The following MPV17L variants were observed in gnomAD, a reference collection of about 807,000 sequenced individuals.
MPV17L encodes mpv17-like protein.
MPV17L carries 24 observed loss-of-function variants against 25.8 expected under a neutral mutation model. That is an observed-to-expected ratio of 0.93 (90% CI 0.67 to 1.31). The LOEUF (loss-of-function observed/expected upper bound fraction) is 1.31, where lower values mean the gene tolerates loss of function less well. MPV17L is among the 50% of genes most tolerant of loss of function. The pLI, the probability that MPV17L is intolerant of heterozygous loss-of-function variation, is 0.00. For synonymous variants in MPV17L, 102 were observed against 115.3 expected (o/e 0.88, Z 0.74); for missense variants, 250 against 265.6 (o/e 0.94, Z 0.41).
At chr16:15,405,331 C>A (rs2050670978) in intron 2 of MPV17L, among the ~76,000 whole-genome samples, 1 of 144,046 alleles carries the variant, frequency 6.9e-6, no homozygotes, top group East Asian at 2.0e-4. Flanking sequence ...GTCAGGAATT[C>A]AAGACCAACC....
At chr16:15,401,582 G>A (rs2150905791) in intron 2 of MPV17L, among the ~76,000 whole-genome samples, 1 of 152,296 alleles carries the variant, frequency 6.6e-6, no homozygotes, top group South Asian at 2.1e-4. Context: ...ACACTTGGGA[G>A]GCTGAGGCAG....
chr16:15,400,823 T>A lies in MPV17L; in HGVS notation c.347T>A (p.Leu116Ter). ...SILQGKDDIF[L>*]DLKQKFWNTY... ...CTCCAAGGAAAGGATGACATATTTTTGGACCTGAAACAGAAATTCTGGAAT... is the reference window on the plus strand; with the variant it reads ...CTCCAAGGAAAGGATGACATATTTTAGGACCTGAAACAGAAATTCTGGAAT... The change falls in exon 2 of 4, where the codon TTG becomes TAG. Residue 116 changes from leucine to a stop codon, truncating the protein, a stop_gained. Transcript: ENST00000396385. LOFTEE classifies it high-confidence loss of function. The A allele has an allele frequency of 6.2e-7, 1 of 1,604,650 alleles. No individual in the cohort carries two copies. Among genetic ancestry groups the A allele is most frequent in the Non-Finnish European group, 8.5e-7 (1 of 1,175,760 alleles).
rs548012835 is a variant in MPV17L, at chr16:15,401,058, G to GTATA, written c.381+227_381+230dup. 3.7e-3 allele frequency among the ~76,000 whole-genome samples: 165 copies of GTATA among 44,232 alleles called. 12 individuals are homozygous for GTATA. The highest frequency in any genetic ancestry group is 8.1e-3 in the Admixed American group (16 of 1,970). The allele number at this position is 44,232 out of a possible 152,430, so 29.0% of individuals were successfully genotyped here. On this transcript the variant is annotated intron_variant, in intron 2 of 3. Transcript: ENST00000396385. ...TCAGGATTTTTTTGTATGTGTGTGT[G>GTATA]TATATATATATATATATATATATAT... is the stretch of plus-strand genomic sequence containing the variant.
chr16:15,400,318 TCTAGTTTTA>T (rs960585393), intron 1 of MPV17L, among the ~76,000 whole-genome samples: 2 of 151,972 alleles, frequency 1.3e-5, no homozygotes, highest in African/African-American at 4.8e-5. Flanking sequence ...TTAAAATTTA[TCTAGTTTTA>T]GAGTGGAGAT....
At chr16:15,401,975 T>C (rs1034024617) in intron 2 of MPV17L, among the ~76,000 whole-genome samples, 6 of 152,224 alleles carry the variant, frequency 3.9e-5, no homozygotes. Flanking sequence ...TCTGTAAATT[T>C]GGGATTCTAT....
chr16:15,406,760 T>C (rs1598426883), intron 2 of MPV17L, among the ~76,000 whole-genome samples: 1 of 148,504 alleles, frequency 6.7e-6, no homozygotes, highest in African/African-American at 2.5e-5. Flanking sequence ...ACCCTGTCTC[T>C]ACTAAAAATA....
rs759526803 is a variant in MPV17L, at chr16:15,410,047, ATATT to A, written c.*1939_*1942del. 2 of 152,182 alleles carry A rather than the reference ATATT, an allele frequency of 1.3e-5. No individual in the cohort carries two copies. The highest frequency in any genetic ancestry group is 2.9e-5 in the Non-Finnish European group (2 of 68,038). The allele number at this position is 152,182 out of a possible 1,614,324, so 9.4% of individuals were successfully genotyped here. ...TGTGAAAATCAGTGCTTTAAGATAA[ATATT>A]TATACTTTAAGGTAAACATGAGAAA... On this transcript the variant is annotated 3_prime_UTR_variant, in exon 4 of 4. Coordinates refer to ENST00000396385, the MANE Select transcript of MPV17L (RefSeq NM_001128423.2).
intron 1 of MPV17L, among the ~76,000 whole-genome samples, chr16:15,398,611 G>A (rs545550943): frequency 4.6e-5 from 6 of 130,642 alleles, no homozygotes; most frequent in African/African-American, 1.4e-4. Context: ...TTTTTGAAAC[G>A]GAGTCTTGCT....
Position 15,395,932 on chromosome 16 carries a change from C to T in MPV17L, c.35C>T (p.Ala12Val). ...TGGTGGCCGGCGTTGTCGCGCGCGG[C>T]CCGGCGCCACCCGTGGCCCACCAAC... ...AGWWPALSRA[A>V]RRHPWPTNVL... Residue 12 changes from alanine to valine, a missense_variant, in exon 1 of 4, where the codon GCC becomes GTC. Ala to Val is a moderately conservative substitution (Grantham distance 64). Coordinates refer to ENST00000396385, the MANE Select transcript of MPV17L (RefSeq NM_001128423.2). 6.9e-7 allele frequency: 1 copy of T among 1,458,668 alleles called. No individual in the cohort carries two copies. The highest frequency in any genetic ancestry group is 9.0e-7 in the Non-Finnish European group (1 of 1,115,672). The allele number at this position is 1,458,668 out of a possible 1,614,324, so 90.4% of individuals were successfully genotyped here.
At chr16:15,401,071 TATATATATATATATA>T (rs1283217947) in intron 2 of MPV17L, among the ~76,000 whole-genome samples, 1 of 30,348 alleles carries the variant, frequency 3.3e-5, no homozygotes, top group Non-Finnish European at 1.0e-4. Context: ...TATATATATA[TATATATATATATATA>T]TTTTTTTTTT....
intron 1 of MPV17L, among the ~76,000 whole-genome samples, chr16:15,396,594 C>T (rs2050586980): frequency 6.6e-6 from 1 of 152,122 alleles, no homozygotes; most frequent in Non-Finnish European, 1.5e-5. Context: ...AAAGGAGATC[C>T]CAGTTCAAGG....
At chr16:15,405,365 C>G (rs1371861705) in intron 2 of MPV17L, among the ~76,000 whole-genome samples, 1 of 140,090 alleles carries the variant, frequency 7.1e-6, no homozygotes, top group African/African-American at 2.7e-5. Flanking sequence ...GAGGCCTCGT[C>G]TGTATTAAGA....
rs541859105 is a variant in MPV17L, at chr16:15,396,056, G to C, written c.159G>C (p.Thr53=). The part of the protein sequence containing the change: ...ANWRQTRRVA[T]LVVTFHANFN... ...GGCGCCAGACGCGGCGCGTGGCCAC[G>C]TTGGTGGTGACCTTCCACGCCAACT... The change falls in exon 1 of 4, where the codon ACG becomes ACC. Residue 53 remains threonine, a synonymous_variant. Transcript: ENST00000396385. 39 of 1,542,136 alleles carry C rather than the reference G, an allele frequency of 2.5e-5. No individual in the cohort carries two copies. In the South Asian group the frequency reaches 4.5e-4, roughly 18 times the overall value.
chr16:15,403,609 C>A (rs75318083), intron 2 of MPV17L, among the ~76,000 whole-genome samples: 1 of 150,350 alleles, frequency 6.7e-6, no homozygotes, highest in Admixed American at 6.7e-5. Context: ...GAGGTCGAGG[C>A]TGCAGTAAGC....
At chr16:15,400,968 T>C in intron 2 of MPV17L, 111 bp downstream of exon 2, 2 of 641,872 alleles carry the variant, frequency 3.1e-6, no homozygotes, top group South Asian at 1.1e-4. Context: ...AAAAAATCTT[T>C]TAATTGACAC....
At chr16:15,401,845 G>T (rs968409987) in intron 2 of MPV17L, among the ~76,000 whole-genome samples, 9 of 151,928 alleles carry the variant, frequency 5.9e-5, no homozygotes, top group African/African-American at 1.9e-4. Context: ...GAAAAGAAAA[G>T]AAATAATATC....
At chr16:15,404,339 AGTTAG>A in intron 2 of MPV17L, among the ~76,000 whole-genome samples, 1 of 152,218 alleles carries the variant, frequency 6.6e-6, no homozygotes, top group Non-Finnish European at 1.5e-5. Context: ...TGAACTTCAC[AGTTAG>A]GTAATGGCAG....
In MPV17L at chr16:15,408,268, T is replaced by C. The variant is rs2150908613; in HGVS notation, c.*156T>C. On this transcript the variant is annotated 3_prime_UTR_variant, in exon 4 of 4. Transcript: ENST00000396385. The stretch of plus-strand genomic sequence containing the variant: ...TTTAAAAAATTATCAATGATTATTT[T>C]TGAATTGTATTCAGACTTTTTTCCT... 1 of 586,122 alleles carries C rather than the reference T, an allele frequency of 1.7e-6. No individual in the cohort carries two copies. The highest frequency in any genetic ancestry group is 2.8e-5 in the East Asian group (1 of 35,632). The allele number at this position is 586,122 out of a possible 1,614,324, so 36.3% of individuals were successfully genotyped here.
rs182645757 is a variant in MPV17L, at chr16:15,396,134, G to C, written c.237G>C (p.Pro79=). Residue 79 remains proline (P), a synonymous_variant, in exon 1 of 4, where the codon CCG becomes CCC. Transcript: ENST00000396385. ...AGCGCGCGCTCCCGGGCCGAGCGCCGCACGCCCTGCTGGCCAAGTTGCTGT... is the reference window on the plus strand; with the variant it reads ...AGCGCGCGCTCCCGGGCCGAGCGCCCCACGCCCTGCTGGCCAAGTTGCTGT... ...LLERALPGRA[P]HALLAKLLCD... 7 of 1,547,690 alleles carry C rather than the reference G, an allele frequency of 4.5e-6. No homozygotes were observed. The East Asian group carries it at 1.5e-4, about 32-fold the overall frequency.
Sources: gnomAD v4.1 joint callset for allele counts (sites outside exome capture counted in the v4.1 genomes callset) on GRCh38, gnomAD v4.1.1 for gene constraint, MANE v1.5 for transcripts, NCBI Gene and HGNC (gene_info 2026-07-23, HGNC 2026-07-21) for gene names.